Variants in FAM117A observed in about 807,000 individuals in gnomAD.
FAM117A encodes protein FAM117A.
Under a neutral mutation model 44.1 loss-of-function variants are expected in FAM117A, and 21 were observed. The ratio of observed to expected loss-of-function variants is 0.48; its 90% confidence interval spans 0.34 to 0.69. The LOEUF is 0.69. Among genes scored for constraint, FAM117A ranks in the 30% least tolerant of loss-of-function variants. The probability of loss-of-function intolerance (pLI) is 0.01; values close to 1 mark genes in which losing one functional copy is unlikely to be tolerated. For missense variants in FAM117A, 498 were observed against 589.9 expected (o/e 0.84, Z 1.61); for synonymous variants, 220 against 238.3 (o/e 0.92, Z 0.71).
intron 1 of FAM117A, among the ~76,000 whole-genome samples, chr17:49,770,907 AAAAT>A (rs2073759211): frequency 6.7e-6 from 1 of 149,886 alleles, no homozygotes; most frequent in African/African-American, 2.5e-5. Flanking sequence ...CTGTCTCAAA[AAAAT>A]AAAAATAAAA....
intron 1 of FAM117A, 34 bp from the exon 2 acceptor site, chr17:49,732,754 C>A: frequency 3.1e-6 from 5 of 1,601,030 alleles, no homozygotes; most frequent in Non-Finnish European, 4.3e-6. Flanking sequence ...GCCTTGCCAT[C>A]AGCATGGAGG....
upstream of FAM117A, chr17:49,788,718 G>A (rs2073839266): frequency 3.5e-6 from 4 of 1,152,664 alleles, no homozygotes; most frequent in Admixed American, 2.8e-5. Context: ...GGAGGCACTA[G>A]GGATCGTCCG....
At chr17:49,713,824 G>A (rs1004126944) in intron 7 of FAM117A, among the ~76,000 whole-genome samples, 4 of 151,962 alleles carry the variant, frequency 2.6e-5, no homozygotes, top group Non-Finnish European at 5.9e-5. Flanking sequence ...TCTTAATTCC[G>A]GAATTCCAAT....
rs960015346 is a variant in FAM117A at position 49,763,994 on chromosome 17, C to G, written c.94G>C (p.Ala32Pro). ...GGLRRGCSPP[A>P]PAGSPRAGLQ... ...CCAGCCCGGGGGGAGCCGGCGGGGG[C>G]TGGGGGAGAGCAGCCCCGCCGGAGC... The change falls in exon 1 of 8, where the codon GCC (alanine) becomes CCC (proline). Residue 32 changes from alanine (A) to proline (P), a missense_variant. Physicochemically the swap from Ala to Pro is conservative, Grantham distance 27. Around this residue, in one of 3 missense-constraint regions of FAM117A, gnomAD observed 270 missense variants for 277.4 expected, o/e 0.97. Transcript: ENST00000240364. 1 of 1,217,684 alleles carries G rather than the reference C, an allele frequency of 8.2e-7. No individual in the cohort carries two copies. The highest frequency in any genetic ancestry group is 1.0e-6 in the Non-Finnish European group (1 of 976,938). 75.4% of individuals were successfully genotyped at this position (1,217,684 alleles called of 1,614,324 possible). A position where few individuals can be genotyped will look rare whatever the true frequency, so the allele number is the denominator to read the frequency against.
In FAM117A at chr17:49,743,353, T is replaced by C. The variant is rs566368098; in HGVS notation, c.197-10633A>G. Among the ~76,000 whole-genome samples the C allele has an allele frequency of 8.5e-5, 13 of 152,050 alleles. No homozygotes were observed. In the East Asian group the frequency reaches 2.3e-3, roughly 27 times the overall value. On this transcript the variant is annotated intron_variant, in intron 1 of 7. Transcript: ENST00000240364. Reference sequence around the variant, plus strand: ...GTTCCTACCAGTAAGTCCAGAACTTTGGGAGGCCAAGGCAGGAGAATCACT... The same window carrying C: ...GTTCCTACCAGTAAGTCCAGAACTTCGGGAGGCCAAGGCAGGAGAATCACT...
At chr17:49,768,874 C>T (rs899686438), upstream of FAM117A, among the ~76,000 whole-genome samples, 3 of 152,290 alleles carry the variant, frequency 2.0e-5, no homozygotes, top group African/African-American at 4.8e-5. Context: ...CTGTGGCCCA[C>T]GACATGCTGT....
chr17:49,763,725 C>T (rs957769914), intron 1 of FAM117A, among the ~76,000 whole-genome samples, 167 bp downstream of exon 1: 3 of 151,972 alleles, frequency 2.0e-5, no homozygotes, highest in Admixed American at 2.0e-4. Flanking sequence ...CGTTTCACGG[C>T]TCCTCGCTCT....
At chr17:49,766,067 A>G (rs915586320), upstream of FAM117A, among the ~76,000 whole-genome samples, 1 of 152,136 alleles carries the variant, frequency 6.6e-6, no homozygotes, top group African/African-American at 2.4e-5. Context: ...TGCTAGGTAC[A>G]TGTTAAGTAC....
chr17:49,751,125 C>T (rs1312078721), intron 1 of FAM117A, among the ~76,000 whole-genome samples: 1 of 151,686 alleles, frequency 6.6e-6, no homozygotes, highest in African/African-American at 2.4e-5. Flanking sequence ...ACTAAAAGCA[C>T]AAAAATTAGC....
At chr17:49,720,279 C>T (rs1459447970) in intron 4 of FAM117A, 47 bp downstream of exon 4, 6 of 1,478,438 alleles carry the variant, frequency 4.1e-6, no homozygotes, top group Non-Finnish European at 4.7e-6. Context: ...ATAGGGGGGC[C>T]TGCATGGAGG....
At chr17:49,762,710 T>G (rs576093588) in intron 1 of FAM117A, among the ~76,000 whole-genome samples, 1 of 152,340 alleles carries the variant, frequency 6.6e-6, no homozygotes, top group South Asian at 2.1e-4. Context: ...ATCATGATTT[T>G]TGTACATTTG....
chr17:49,748,826 T>A (rs1258247600), intron 1 of FAM117A, among the ~76,000 whole-genome samples: 1 of 151,936 alleles, frequency 6.6e-6, no homozygotes, highest in Non-Finnish European at 1.5e-5. Flanking sequence ...TAAGCAAAAA[T>A]GACAAGAATA....
At chr17:49,740,833 G>GA (rs2073631398) in intron 1 of FAM117A, among the ~76,000 whole-genome samples, 1 of 152,234 alleles carries the variant, frequency 6.6e-6, no homozygotes, top group Non-Finnish European at 1.5e-5. Flanking sequence ...GGAGAAGGGT[G>GA]ACAGCTCTTA....
chr17:49,782,334 G>A (rs1212973036), intron 1 of FAM117A, among the ~76,000 whole-genome samples: 6 of 126,566 alleles, frequency 4.7e-5, no homozygotes, highest in South Asian at 5.3e-4. Context: ...CCAAGACTGC[G>A]CCACTGCACT....
intron 1 of FAM117A, among the ~76,000 whole-genome samples, chr17:49,784,526 C>G (rs2073799756): frequency 6.6e-6 from 1 of 152,202 alleles, no homozygotes; most frequent in Non-Finnish European, 1.5e-5. Flanking sequence ...CAAAACCATG[C>G]CTCTTATGTA....
intron 2 of FAM117A, among the ~76,000 whole-genome samples, chr17:49,722,895 G>A (rs1422323989): frequency 6.6e-6 from 1 of 152,078 alleles, no homozygotes; most frequent in Non-Finnish European, 1.5e-5. Flanking sequence ...CAGTGGTGAG[G>A]ACAAGTATTG....
intron 1 of FAM117A, among the ~76,000 whole-genome samples, chr17:49,759,823 T>A (rs2073715963): frequency 6.6e-6 from 1 of 152,232 alleles, no homozygotes. Flanking sequence ...CTAATCGACA[T>A]TTGATATAAA....
chr17:49,777,688 G>A lies in FAM117A; in HGVS notation c.-621+10809C>T, dbSNP rs144832401. 3.3e-5 allele frequency among the ~76,000 whole-genome samples: 5 copies of A among 152,276 alleles called. No homozygotes were observed. The East Asian group carries it at 9.6e-4, about 29-fold the overall frequency. ...GCCAGGGGGTTAAGTGCCAGGGATG[G>A]AAGGCTAAATGCCAGGGATGCTGGT... On this transcript the variant is annotated intron_variant, in intron 1 of 7. Coordinates refer to the FAM117A transcript ENST00000513602.
chr17:49,739,630 A>G (rs2073624838), intron 1 of FAM117A, among the ~76,000 whole-genome samples: 1 of 152,222 alleles, frequency 6.6e-6, no homozygotes, highest in Admixed American at 6.5e-5. Context: ...AGCAGCATTG[A>G]GAAGTCACAA....
Sources: gnomAD v4.1 joint callset for allele counts (sites outside exome capture counted in the v4.1 genomes callset) on GRCh38, gnomAD v4.1.1 for gene constraint, gnomAD v4.1.1 regional missense constraint, MANE v1.5 for transcripts, NCBI Gene and HGNC (gene_info 2026-07-23, HGNC 2026-07-21) for gene names.